Variants in PIGU observed in about 807,000 individuals in gnomAD.
PIGU encodes phosphatidylinositol glycan anchor biosynthesis class U.
A neutral mutation model predicts 49.9 loss-of-function variants in PIGU; 24 were observed. The observed-to-expected ratio is 0.48, with a 90% CI of 0.35 to 0.68. The LOEUF is 0.68. Ranked by LOEUF, PIGU falls within the 30% of genes least tolerant of loss-of-function variation. The probability of loss-of-function intolerance (pLI) is 0.01; values close to 1 mark genes in which losing one functional copy is unlikely to be tolerated. For synonymous variants in PIGU, 220 were observed against 205.7 expected (o/e 1.07, Z -0.59); for missense variants, 490 against 532.6 (o/e 0.92, Z 0.79).
chr20:34,627,212 A>G (rs1985522721), intron 6 of PIGU, among the ~76,000 whole-genome samples: 2 of 152,232 alleles, frequency 1.3e-5, no homozygotes, highest in Admixed American at 6.5e-5. Context: ...TGAAGTGGAC[A>G]TGCAGCAGAG....
chr20:34,612,532 TA>T (rs1274399410), intron 7 of PIGU, among the ~76,000 whole-genome samples: 3 of 150,670 alleles, frequency 2.0e-5, no homozygotes, highest in African/African-American at 4.9e-5. Flanking sequence ...AAGTAAAATT[TA>T]AAAAAAAATT....
At chr20:34,633,213 T>C (rs1373531959) in intron 6 of PIGU, among the ~76,000 whole-genome samples, 3 of 152,276 alleles carry the variant, frequency 2.0e-5, no homozygotes, top group Non-Finnish European at 4.4e-5. Context: ...CTTATAGTCC[T>C]GGCACTTTGG....
intron 9 of PIGU, among the ~76,000 whole-genome samples, chr20:34,581,933 CCCTCTG>C (rs966866307): frequency 1.4e-4 from 21 of 152,328 alleles, no homozygotes; most frequent in African/African-American, 5.1e-4. Context: ...TCAACAGTCC[CCCTCTG>C]CCTCTGCCAG....
intron 11 of PIGU, among the ~76,000 whole-genome samples, chr20:34,564,427 G>C (rs1982658783): frequency 6.6e-6 from 1 of 152,192 alleles, no homozygotes; most frequent in South Asian, 2.1e-4. Flanking sequence ...CAGCTACTCG[G>C]GAAGCCGAGG....
At chr20:34,591,776 A>T (rs954113909) in intron 7 of PIGU, among the ~76,000 whole-genome samples, 1 of 152,248 alleles carries the variant, frequency 6.6e-6, no homozygotes, top group Non-Finnish European at 1.5e-5. Context: ...ATAAAAAATT[A>T]AAACACTTTT....
At chr20:34,562,376 G>A in intron 11 of PIGU, 1 of 1,248,476 alleles carries the variant, frequency 8.0e-7, no homozygotes, top group Non-Finnish European at 1.0e-6. Flanking sequence ...GGGCAAGACA[G>A]GTTGAGCTAA....
intron 2 of PIGU, among the ~76,000 whole-genome samples, chr20:34,651,945 A>C (rs1986552906): frequency 6.7e-6 from 1 of 148,298 alleles, no homozygotes; most frequent in African/African-American, 2.5e-5. Context: ...CCATCTCTAC[A>C]AAAAAAAAAT....
At chr20:34,665,569 T>C (rs1987065336) in intron 1 of PIGU, among the ~76,000 whole-genome samples, 1 of 151,816 alleles carries the variant, frequency 6.6e-6, no homozygotes, top group African/African-American at 2.4e-5. Flanking sequence ...CTCACACTCC[T>C]GACTTCATGA....
At chr20:34,608,960 TTAG>T (rs957600871) in intron 7 of PIGU, among the ~76,000 whole-genome samples, 3 of 152,152 alleles carry the variant, frequency 2.0e-5, no homozygotes, top group African/African-American at 7.2e-5. Flanking sequence ...AAGGGTCCAC[TTAG>T]TAGTCTGGCA....
At chr20:34,601,663 T>C (rs1012069967) in intron 7 of PIGU, among the ~76,000 whole-genome samples, 1 of 152,196 alleles carries the variant, frequency 6.6e-6, no homozygotes, top group African/African-American at 2.4e-5. Context: ...TACTTTAACC[T>C]ACCACTGTCT....
intron 2 of PIGU, among the ~76,000 whole-genome samples, chr20:34,655,968 C>CTTTTTTT (rs759103027): frequency 2.5e-4 from 19 of 76,776 alleles, no homozygotes; most frequent in Non-Finnish European, 4.0e-4. Flanking sequence ...TTTCACTATT[C>CTTTTTTT]TTTTTTTTTT....
intron 7 of PIGU, among the ~76,000 whole-genome samples, chr20:34,611,639 C>T (rs1199885932): frequency 1.0e-5 from 1 of 95,328 alleles, no homozygotes; most frequent in Non-Finnish European, 1.9e-5. Flanking sequence ...GAGCAAGACT[C>T]AAGTCTCAGA....
chr20:34,665,370 A>AT lies in PIGU; in HGVS notation c.131-8127dup, dbSNP rs1209501244. ...AGGCGCCCGCTACCACGCCCGGCTAATTTTTTGTATTTTTAGTAGAGACGG... is the reference window on the plus strand; with the variant it reads ...AGGCGCCCGCTACCACGCCCGGCTAATTTTTTTGTATTTTTAGTAGAGACGG... On this transcript the variant is annotated intron_variant, in intron 1 of 11. Transcript: ENST00000217446. 2.0e-5 allele frequency among the ~76,000 whole-genome samples: 3 copies of AT among 150,330 alleles called. No homozygotes were observed. The East Asian group carries it at 5.8e-4, about 29-fold the overall frequency.
Position 34,647,355 on chromosome 20 carries a change from G to A in PIGU, c.196-2021C>T, listed in dbSNP as rs548605462. 6.7e-5 allele frequency among the ~76,000 whole-genome samples: 10 copies of A among 150,186 alleles called. No individual in the cohort carries two copies. In the South Asian group the frequency reaches 1.1e-3, roughly 17 times the overall value. On this transcript the variant is annotated intron_variant, in intron 2 of 11. Transcript: ENST00000217446. ...CGGCTCACTGTAACCTCCACCTCCC[G>A]GGTTCAAGCGATTCTCCTGCCTCAG...
chr20:34,643,763 A>C (rs535402597), intron 4 of PIGU: 2 of 152,696 alleles, frequency 1.3e-5, no homozygotes, highest in South Asian at 2.1e-4. Context: ...TCAGATAGGC[A>C]TAACAGTGAC....
intron 1 of PIGU, among the ~76,000 whole-genome samples, chr20:34,666,687 CTTTTTTTTT>C (rs918644106): frequency 6.6e-5 from 6 of 90,606 alleles, no homozygotes; most frequent in African/African-American, 2.6e-4. Context: ...CTGACTAATT[CTTTTTTTTT>C]TTTTTTTTTT....
intron 1 of PIGU, among the ~76,000 whole-genome samples, chr20:34,666,757 C>A (rs1354343111): frequency 1.5e-5 from 2 of 135,776 alleles, no homozygotes; most frequent in African/African-American, 2.8e-5. Flanking sequence ...AGTGCAGTGG[C>A]GCGATCTCGG....
At chr20:34,604,235 C>T (rs1984534366) in intron 7 of PIGU, among the ~76,000 whole-genome samples, 1 of 152,136 alleles carries the variant, frequency 6.6e-6, no homozygotes, top group Admixed American at 6.6e-5. Context: ...TAAGAATTCT[C>T]AGACTGCTTC....
At chr20:34,610,842 T>G (rs1984785938) in intron 7 of PIGU, among the ~76,000 whole-genome samples, 1 of 152,188 alleles carries the variant, frequency 6.6e-6, no homozygotes, top group Non-Finnish European at 1.5e-5. Context: ...AGCATGCTAC[T>G]GCTACCAAAA....
Sources: gnomAD v4.1 joint callset for allele counts (sites outside exome capture counted in the v4.1 genomes callset) on GRCh38, gnomAD v4.1.1 for gene constraint, MANE v1.5 for transcripts, NCBI Gene and HGNC (gene_info 2026-07-23, HGNC 2026-07-21) for gene names.